The following ZBTB20 variants were observed in gnomAD, a reference collection of about 807,000 sequenced individuals.
The protein encoded by ZBTB20 is zinc finger and BTB domain-containing protein 20.
A neutral mutation model predicts 56.9 loss-of-function variants in ZBTB20; 9 were observed. That is an observed-to-expected ratio of 0.16 (90% CI 0.10 to 0.28). ZBTB20 has a LOEUF of 0.28. Ranked by LOEUF, ZBTB20 falls within the 10% of genes least tolerant of loss-of-function variation. The pLI is 1.00. For missense variants in ZBTB20, 655 were observed against 1,003.0 expected (o/e 0.65, Z 4.69); for synonymous variants, 417 against 420.7 (o/e 0.99, Z 0.11).
chr3:114,514,076 A>G (rs2045708580), intron 6 of ZBTB20, among the ~76,000 whole-genome samples: 2 of 152,190 alleles, frequency 1.3e-5, no homozygotes, highest in Non-Finnish European at 2.9e-5. Flanking sequence ...TAAAAAATTC[A>G]TGGTATGTCT....
At chr3:115,064,858 C>T (rs1165472694) in intron 2 of ZBTB20, among the ~76,000 whole-genome samples, 7 of 152,100 alleles carry the variant, frequency 4.6e-5, no homozygotes, top group South Asian at 2.1e-4. Context: ...ATATTTCTCT[C>T]GGGAACTTTC....
chr3:114,360,351 T>G (rs1243341402), intron 10 of ZBTB20, among the ~76,000 whole-genome samples: 1 of 150,094 alleles, frequency 6.7e-6, no homozygotes, highest in South Asian at 2.1e-4. Flanking sequence ...TTTCTTTTTT[T>G]TTTTTTTTTT....
In ZBTB20 at chr3:114,521,380, A is replaced by G. The variant is rs182616602; in HGVS notation, c.-294-20989T>C. ...GTCTATACCCTACAAAGGAAAATTT[A>G]CAATCCAGGTCCTCTATGTTTAAGT... On this transcript the variant is annotated intron_variant, in intron 6 of 11. Coordinates refer to ENST00000675478, the MANE Select transcript of ZBTB20 (RefSeq NM_001348800.3). 1.2e-4 allele frequency among the ~76,000 whole-genome samples: 18 copies of G among 152,354 alleles called. No individual in the cohort carries two copies. The East Asian group carries it at 3.5e-3, about 29-fold the overall frequency.
intron 4 of ZBTB20, among the ~76,000 whole-genome samples, chr3:114,831,460 G>A (rs1047013768): frequency 1.3e-5 from 2 of 151,854 alleles, no homozygotes; most frequent in African/African-American, 4.8e-5. Context: ...TTTAAAAGAG[G>A]GGCAATATTA....
chr3:114,981,402 T>C (rs187982364), intron 2 of ZBTB20, among the ~76,000 whole-genome samples: 23 of 152,224 alleles, frequency 1.5e-4, no homozygotes, highest in Admixed American at 5.9e-4. Context: ...TTAAGGACAA[T>C]TGCATTACAA....
intron 6 of ZBTB20, chr3:114,518,570 T>C (rs905043046): frequency 3.3e-5 from 5 of 152,166 alleles, no homozygotes; most frequent in African/African-American, 9.7e-5. Flanking sequence ...ACCTGCTAGT[T>C]AGGAACATGT....
intron 2 of ZBTB20, among the ~76,000 whole-genome samples, chr3:114,999,307 G>A (rs1347771073): frequency 6.7e-6 from 1 of 149,102 alleles, no homozygotes; most frequent in Non-Finnish European, 1.5e-5. Context: ...GGAAATGAAA[G>A]GGGGAGGGAA....
intron 7 of ZBTB20, among the ~76,000 whole-genome samples, chr3:114,497,548 C>G (rs1023593528): frequency 1.3e-5 from 2 of 152,276 alleles, no homozygotes; most frequent in African/African-American, 4.8e-5. Flanking sequence ...TCATATCTAC[C>G]TGGTAAACTG....
chr3:114,439,467 C>T (rs2090762028), intron 7 of ZBTB20, among the ~76,000 whole-genome samples: 1 of 152,140 alleles, frequency 6.6e-6, no homozygotes. Flanking sequence ...ACTTCACTCT[C>T]CATGGAAGCT....
At chr3:115,021,377 G>C (rs1348169433) in intron 2 of ZBTB20, among the ~76,000 whole-genome samples, 1 of 150,696 alleles carries the variant, frequency 6.6e-6, no homozygotes, top group Non-Finnish European at 1.5e-5. Flanking sequence ...AAAGACTGGG[G>C]TAGTATGTAT....
At chr3:115,062,918 A>T (rs1291108229) in intron 2 of ZBTB20, among the ~76,000 whole-genome samples, 2 of 152,226 alleles carry the variant, frequency 1.3e-5, no homozygotes, top group Non-Finnish European at 2.9e-5. Context: ...TTCTTTAACA[A>T]AGCAACTATG....
chr3:115,112,698 T>C (rs548818872), intron 1 of ZBTB20, among the ~76,000 whole-genome samples: 1 of 152,332 alleles, frequency 6.6e-6, no homozygotes, highest in Admixed American at 6.5e-5. Flanking sequence ...TATCCATTTG[T>C]CCACTGATGG....
intron 5 of ZBTB20, among the ~76,000 whole-genome samples, chr3:114,761,891 A>T (rs1226130197): frequency 6.6e-6 from 1 of 152,180 alleles, no homozygotes; most frequent in East Asian, 1.9e-4. Flanking sequence ...CATAGCACAA[A>T]ATCTAGCCCA....
intron 10 of ZBTB20, among the ~76,000 whole-genome samples, chr3:114,374,891 T>C (rs992185882): frequency 2.6e-5 from 4 of 152,148 alleles, no homozygotes; most frequent in African/African-American, 9.7e-5. Flanking sequence ...TCAGGAAGTT[T>C]TTGGAAGGTT....
chr3:114,527,899 A>G (rs2047413683), intron 6 of ZBTB20, among the ~76,000 whole-genome samples: 1 of 152,066 alleles, frequency 6.6e-6, no homozygotes, highest in Non-Finnish European at 1.5e-5. Context: ...TTTTACTAGG[A>G]TGGGAGACTT....
intron 6 of ZBTB20, chr3:114,687,830 G>A (rs574796745): frequency 2.6e-5 from 4 of 152,180 alleles, no homozygotes; most frequent in East Asian, 1.9e-4. Flanking sequence ...AATAATACAG[G>A]CTCTTAAGAG....
intron 5 of ZBTB20, chr3:114,743,566 T>G (rs1174043079): frequency 1.9e-5 from 3 of 154,160 alleles, no homozygotes; most frequent in Non-Finnish European, 4.4e-5. Flanking sequence ...CTATATGTAC[T>G]TAAGCCATAT....
intron 3 of ZBTB20, among the ~76,000 whole-genome samples, chr3:114,949,531 G>T (rs1296670881): frequency 6.8e-6 from 1 of 146,288 alleles, no homozygotes; most frequent in Non-Finnish European, 1.5e-5. Context: ...ACTTTGGGAG[G>T]CCAAGGTGGC....
chr3:114,651,978 AAGC>A (rs1231651513), intron 6 of ZBTB20, among the ~76,000 whole-genome samples: 2 of 152,152 alleles, frequency 1.3e-5, no homozygotes, highest in East Asian at 3.9e-4. Flanking sequence ...AAAATAGATG[AAGC>A]ACTTCAGGTG....
Sources: allele counts gnomAD v4.1 joint callset (sites outside exome capture counted in the v4.1 genomes callset), GRCh38; gene constraint gnomAD v4.1.1; transcripts MANE v1.5; gene names NCBI Gene and HGNC (gene_info 2026-07-23, HGNC 2026-07-21).